Variants in NEK2 observed in about 807,000 individuals in gnomAD.
NEK2 encodes the protein NIMA related kinase 2, also known as serine/threonine-protein kinase Nek2.
NEK2 carries 28 observed loss-of-function variants against 54.1 expected under a neutral mutation model. That is an observed-to-expected ratio of 0.52 (90% CI 0.38 to 0.71). The LOEUF (loss-of-function observed/expected upper bound fraction) is 0.71, where lower values mean the gene tolerates loss of function less well. NEK2 is among the 30% of genes least tolerant of loss of function. The pLI is 0.00. For missense variants in NEK2, 407 were observed against 531.5 expected (o/e 0.77, Z 2.30); for synonymous variants, 176 against 193.1 (o/e 0.91, Z 0.73).
chr1:211,674,457 C>A lies in NEK2; in HGVS notation c.153G>T (p.Met51Ile). Residue 51 changes from methionine to isoleucine, a missense_variant, in exon 2 of 8, where the codon ATG (methionine) becomes ATT (isoleucine). Transcript: ENST00000366999. ...YGSMTEAEKQ[M>I]LVSEVNLLRE... is the part of the protein sequence containing the mutation. The stretch of plus-strand genomic sequence containing the variant: ...GAAGCAAATTCACTTCAGAAACAAG[C>A]ATCTGTTTCTCAGCTTCTGTCATGG... 1 of 1,614,042 alleles carries A rather than the reference C, an allele frequency of 6.2e-7. No individual in the cohort carries two copies. Among genetic ancestry groups the A allele is most frequent in the East Asian group, 2.2e-5 (1 of 44,868 alleles).
At chr1:211,668,883 C>T (rs1042771372) in intron 6 of NEK2, among the ~76,000 whole-genome samples, 1 of 151,986 alleles carries the variant, frequency 6.6e-6, no homozygotes, top group African/African-American at 2.4e-5. Context: ...CAGTTAAGGC[C>T]CAATAATATA....
rs1365776425 is a variant in NEK2 at position 211,675,563 on chromosome 1, C to G, written c.-84G>C. 1 of 1,175,386 alleles carries G rather than the reference C, an allele frequency of 8.5e-7. No individual in the cohort carries two copies. The highest frequency in any genetic ancestry group is 1.3e-6 in the Non-Finnish European group (1 of 793,032). The allele number at this position is 1,175,386 out of a possible 1,614,324, so 72.8% of individuals were successfully genotyped here. On this transcript the variant is annotated 5_prime_UTR_variant, in exon 1 of 8. Transcript: ENST00000366999. The stretch of plus-strand genomic sequence containing the variant: ...CTCCAGGGACCAGGAACTCCAGGGA[C>G]CTGGATGGAGAAGCCCCCGAGCAGC...
At chr1:211,667,861 C>T (rs1655228278) in intron 6 of NEK2, among the ~76,000 whole-genome samples, 1 of 152,072 alleles carries the variant, frequency 6.6e-6, no homozygotes, top group Non-Finnish European at 1.5e-5. Context: ...GCCAGGTCAA[C>T]ATGGCAAAAC....
At chr1:211,662,443 C>T (rs1441882859), downstream of NEK2, among the ~76,000 whole-genome samples, 1 of 152,160 alleles carries the variant, frequency 6.6e-6, no homozygotes, top group African/African-American at 2.4e-5. The surrounding 1 kb of genome is among the most constrained non-coding windows in gnomAD (Gnocchi z 4.2). Context: ...TTGTTGTCAG[C>T]AGCTGTCCTG....
chr1:211,674,336 C>A lies in NEK2; in HGVS notation c.274G>T (p.Gly92Trp). The change falls in exon 2 of 8, where the codon GGG becomes TGG. Residue 92 changes from glycine to tryptophan, a missense_variant. Physicochemically the swap from Gly to Trp is radical, Grantham distance 184. Transcript: ENST00000366999. Reference protein sequence around the residue: ...LYIVMEYCEGGDLASVITKGT... With the variant: ...LYIVMEYCEGWDLASVITKGT... ...TTTGTAATTACACTAGCCAGATCCC[C>A]TCCTTCACAATATTCCATTACAATG... 1 of 1,614,012 alleles carries A rather than the reference C, an allele frequency of 6.2e-7. No individual in the cohort carries two copies. The highest frequency in any genetic ancestry group is 8.5e-7 in the Non-Finnish European group (1 of 1,179,894).
In NEK2 at chr1:211,675,457, T is replaced by C. The variant is rs1033497592; in HGVS notation, c.23A>G (p.Tyr8Cys). The change falls in exon 1 of 8, where the codon TAT becomes TGT. Residue 8 changes from tyrosine to cysteine, a missense_variant. Transcript: ENST00000366999. Reference sequence around the variant, plus strand: ...TGTGCCAATGGTGTACAACACTTCATAGTCCTCAGCCCGGGAAGGCATGGC... The same window carrying C: ...TGTGCCAATGGTGTACAACACTTCACAGTCCTCAGCCCGGGAAGGCATGGC... MPSRAED[Y>C]EVLYTIGTGS... The C allele has an allele frequency of 2.5e-6, 4 of 1,613,508 alleles. No homozygotes were observed. Among genetic ancestry groups the C allele is most frequent in the South Asian group, 1.1e-5 (1 of 91,058 alleles).
downstream of NEK2, chr1:211,660,204 G>A (rs1654983178): frequency 3.5e-5 from 11 of 309,958 alleles, 1 homozygote; most frequent in South Asian, 4.6e-4. Flanking sequence ...TTTTCCGCTT[G>A]TAGATTTTGC....
chr1:211,662,469 T>A (rs940867125), downstream of NEK2, among the ~76,000 whole-genome samples: 1 of 152,204 alleles, frequency 6.6e-6, no homozygotes, highest in African/African-American at 2.4e-5. This position sits in a 1 kb window ranked among gnomAD's most constrained non-coding sequence, Gnocchi z 4.2. Context: ...TGTAAAATGT[T>A]TACAGTGTCC....
At chr1:211,667,358 T>C (rs1655214297) in intron 6 of NEK2, 127 bp from the exon 7 acceptor site, 6 of 830,872 alleles carry the variant, frequency 7.2e-6, no homozygotes, top group Non-Finnish European at 1.1e-5. Flanking sequence ...GGGGAAAGGA[T>C]TCTCACTATG....
At chr1:211,666,823 G>T in intron 7 of NEK2, 3 of 938,418 alleles carry the variant, frequency 3.2e-6, no homozygotes, top group East Asian at 1.1e-4. Context: ...AATAAATAAT[G>T]ATAATAAAAA....
intron 7 of NEK2, 59 bp downstream of exon 7, chr1:211,667,047 C>T (rs1655201895): frequency 1.9e-6 from 3 of 1,610,364 alleles, no homozygotes; most frequent in African/African-American, 1.3e-5. Flanking sequence ...GGGAGCAACA[C>T]TGGTGCACAT....
At position 211,663,538 on chromosome 1, in the gene NEK2, T is replaced by C. The variant is rs576980203; in HGVS notation, c.1226A>G (p.Lys409Arg). 7 of 1,613,988 alleles carry C rather than the reference T, an allele frequency of 4.3e-6. No individual in the cohort carries two copies. In the African/African-American group the frequency reaches 8.0e-5, roughly 18 times the overall value. Residue 409 changes from lysine (K) to arginine (R), a missense_variant, in exon 8 of 8, where the codon AAG becomes AGG. Transcript: ENST00000366999. ...NSESQLTSKSKCKDLKKRLHA... is the reference protein window; with the variant it reads ...NSESQLTSKSRCKDLKKRLHA... ...AAGCCTTTTCTTCAGGTCCTTGCAC[T>C]TGGACTTAGATGTGAGCTGACTCTC...
At position 211,674,349 on chromosome 1, in the gene NEK2, T is replaced by C. The variant is rs764613788; in HGVS notation, c.261A>G (p.Glu87=). Residue 87 remains glutamate (E), a synonymous_variant, in exon 2 of 8, where the codon GAA becomes GAG. Coordinates refer to ENST00000366999, the MANE Select transcript of NEK2 (RefSeq NM_002497.4). ...RTNTTLYIVM[E]YCEGGDLASV... is the part of the protein sequence containing the mutation. ...TAGCCAGATCCCCTCCTTCACAATA[T>C]TCCATTACAATGTACAGTGTTGTAT... 21 of 1,614,010 alleles carry C rather than the reference T, an allele frequency of 1.3e-5. No individual in the cohort carries two copies.
At chr1:211,675,361 C>A (rs1449849773) in intron 1 of NEK2, 23 bp downstream of exon 1, 1 of 1,606,900 alleles carries the variant, frequency 6.2e-7, no homozygotes, top group Non-Finnish European at 8.5e-7. Context: ...CAGGGGCAGG[C>A]GCAGGGTAGG....
Position 211,675,381 on chromosome 1 carries a change from C to T in NEK2, c.96+3G>A, listed in dbSNP as rs772369620. On this transcript the variant is annotated splice_donor_region_variant and intron_variant, in intron 1 of 7. Transcript: ENST00000366999. ...GCAGGCGCAGGGTAGGTCCCACGCTCACCTTGCCATCACTCTTCCTCCGGA... is the reference window on the plus strand; with the variant it reads ...GCAGGCGCAGGGTAGGTCCCACGCTTACCTTGCCATCACTCTTCCTCCGGA... 6.2e-7 allele frequency: 1 copy of T among 1,613,472 alleles called. No homozygotes were observed. Among genetic ancestry groups the T allele is most frequent in the South Asian group, 1.1e-5 (1 of 91,056 alleles).
At chr1:211,674,179 TG>T in intron 2 of NEK2, 116 bp downstream of exon 2, 1 of 803,222 alleles carries the variant, frequency 1.2e-6, no homozygotes. Context: ...TAAAGTACTG[TG>T]GACCTACCAA....
chr1:211,669,978 T>C (rs1431271310), intron 5 of NEK2, among the ~76,000 whole-genome samples: 1 of 152,206 alleles, frequency 6.6e-6, no homozygotes, highest in Non-Finnish European at 1.5e-5. Flanking sequence ...TACCTGCCAC[T>C]GTGAGGTAGG....
chr1:211,668,104 TC>T (rs1203151595), intron 6 of NEK2, among the ~76,000 whole-genome samples: 1 of 152,134 alleles, frequency 6.6e-6, no homozygotes, highest in East Asian at 1.9e-4. Context: ...GAAAAAGCTT[TC>T]TTATTTTTTA....
Position 211,663,672 on chromosome 1 carries a change from A to C in NEK2, c.1112-20T>G. On this transcript the variant is annotated intron_variant, in intron 7 of 7. Coordinates refer to ENST00000366999, the MANE Select transcript of NEK2 (RefSeq NM_002497.4). Reference sequence around the variant, plus strand: ...GAAGTTCTTTAGAAGGAAAAAGAAAAAGGGCTCTGAGTTACTTGAACAGAG... The same window carrying C: ...GAAGTTCTTTAGAAGGAAAAAGAAACAGGGCTCTGAGTTACTTGAACAGAG... The C allele has an allele frequency of 6.2e-7, 1 of 1,608,840 alleles. No individual in the cohort carries two copies. Among genetic ancestry groups the C allele is most frequent in the Non-Finnish European group, 8.5e-7 (1 of 1,177,070 alleles).
Sources: gnomAD v4.1 joint callset for allele counts (sites outside exome capture counted in the v4.1 genomes callset) on GRCh38, gnomAD v4.1.1 for gene constraint, Gnocchi (gnomAD v3.1) non-coding constraint, MANE v1.5 for transcripts, NCBI Gene and HGNC (gene_info 2026-07-23, HGNC 2026-07-21) for gene names.